PTER: variants seen among roughly 807,000 people sequenced by gnomAD.
The protein encoded by PTER is phosphotriesterase related.
In PTER, 38 loss-of-function variants were observed where a neutral mutation model predicts 29.6. That is an observed-to-expected ratio of 1.28 (90% CI 0.99 to 1.68). The LOEUF is 1.68. Among genes scored for constraint, PTER ranks in the 40% most tolerant of loss-of-function variants. The pLI, the probability that PTER is intolerant of heterozygous loss-of-function variation, is 0.00. For missense variants in PTER, 482 were observed against 427.8 expected (o/e 1.13, Z -1.12); for synonymous variants, 172 against 154.5 (o/e 1.11, Z -0.84).
intron 1 of PTER, among the ~76,000 whole-genome samples, chr10:16,476,332 G>A (rs922618523): frequency 6.6e-6 from 1 of 151,886 alleles, no homozygotes; most frequent in African/African-American, 2.4e-5. Context: ...TGCCCACCTC[G>A]GCCTCCCAAA....
At chr10:16,453,990 C>T (rs1391899162) in intron 1 of PTER, among the ~76,000 whole-genome samples, 1 of 152,182 alleles carries the variant, frequency 6.6e-6, no homozygotes, top group Non-Finnish European at 1.5e-5. Context: ...ATATGTGCTT[C>T]TGGCATATCA....
chr10:16,486,452 A>G lies in PTER; in HGVS notation c.533A>G (p.Glu178Gly). Reference protein sequence around the residue: ...GEIGCSWPLTESERKVLQATA... With the variant: ...GEIGCSWPLTGSERKVLQATA... ...ATTGGTTGCTCCTGGCCTTTGACTGAGAGTGAAAGAAAGGTTCTCCAGGCC... is the reference window on the plus strand; with the variant it reads ...ATTGGTTGCTCCTGGCCTTTGACTGGGAGTGAAAGAAAGGTTCTCCAGGCC... Residue 178 changes from glutamate to glycine, a missense_variant, in exon 3 of 5, where the codon GAG becomes GGG. Transcript: ENST00000535784. 5.0e-6 allele frequency: 8 copies of G among 1,614,054 alleles called. No individual in the cohort carries two copies. The highest frequency in any genetic ancestry group is 6.8e-6 in the Non-Finnish European group (8 of 1,179,976).
chr10:16,491,237 G>A (rs1335997233), intron 3 of PTER, among the ~76,000 whole-genome samples: 1 of 152,176 alleles, frequency 6.6e-6, no homozygotes, highest in Non-Finnish European at 1.5e-5. Flanking sequence ...ATACATGAAA[G>A]TATGAGCATT....
chr10:16,501,496 C>G (rs965715371), intron 3 of PTER, among the ~76,000 whole-genome samples: 1 of 152,080 alleles, frequency 6.6e-6, no homozygotes, highest in Admixed American at 6.6e-5. Flanking sequence ...ATCCTGCTTA[C>G]TATATATAGT....
intron 1 of PTER, among the ~76,000 whole-genome samples, chr10:16,447,788 C>A (rs531638861): frequency 2.2e-4 from 34 of 152,326 alleles, no homozygotes; most frequent in African/African-American, 7.7e-4. Context: ...AGATCCTAGT[C>A]TTCTCTTCCT....
downstream of PTER, chr10:16,514,385 TGA>T: frequency 1.5e-6 from 1 of 653,542 alleles, no homozygotes; most frequent in Non-Finnish European, 2.7e-6. Context: ...GATACAGATG[TGA>T]GTCAGGTAGC....
chr10:16,440,835 C>T (rs913660878), intron 1 of PTER, among the ~76,000 whole-genome samples: 2 of 152,164 alleles, frequency 1.3e-5, no homozygotes, highest in Admixed American at 6.5e-5. Flanking sequence ...CCCTGAGATT[C>T]GGGGATTTGA....
chr10:16,449,566 G>A (rs1224687420), intron 1 of PTER, among the ~76,000 whole-genome samples: 3 of 149,222 alleles, frequency 2.0e-5, no homozygotes, highest in Non-Finnish European at 3.0e-5. Context: ...TGCCCACCTT[G>A]TCTTTGATGG....
rs527609643 is a variant in PTER, at chr10:16,512,097, C to A, written c.*841C>A. 2.0e-5 allele frequency: 3 copies of A among 151,666 alleles called. No homozygotes were observed. Among genetic ancestry groups the A allele is most frequent in the Non-Finnish European group, 1.5e-5 (1 of 67,838 alleles). 9.4% of individuals were successfully genotyped at this position (151,666 alleles called of 1,614,324 possible). On this transcript the variant is annotated 3_prime_UTR_variant, in exon 5 of 5. Transcript: ENST00000535784. ...GAGAAATGTTTGCCTTATGTATATTCCCTTTATTTCCTTTACCTTTTGTTT... is the reference window on the plus strand; with the variant it reads ...GAGAAATGTTTGCCTTATGTATATTACCTTTATTTCCTTTACCTTTTGTTT...
chr10:16,440,420 A>T (rs1172956886), intron 1 of PTER, among the ~76,000 whole-genome samples: 1 of 152,222 alleles, frequency 6.6e-6, no homozygotes, highest in Non-Finnish European at 1.5e-5. Context: ...AGAAAAAGAA[A>T]AAAGAATAAG....
chr10:16,465,937 G>A (rs1214052676), intron 1 of PTER, among the ~76,000 whole-genome samples: 1 of 152,112 alleles, frequency 6.6e-6, no homozygotes, highest in Non-Finnish European at 1.5e-5. Flanking sequence ...TAACTATCAT[G>A]AGAACAGCAT....
intron 1 of PTER, among the ~76,000 whole-genome samples, chr10:16,471,262 CT>C (rs1247978897): frequency 3.9e-4 from 59 of 152,286 alleles, no homozygotes; most frequent in African/African-American, 1.3e-3. Context: ...TGAAATAGCT[CT>C]TGAGTTCATA....
chr10:16,504,921 T>C, intron 3 of PTER, 99 bp from the exon 4 acceptor site: 1 of 1,367,168 alleles, frequency 7.3e-7, no homozygotes, highest in Non-Finnish European at 1.0e-6. Context: ...ACTTCAACTA[T>C]GTTCTTGTTC....
chr10:16,514,475 G>T, downstream of PTER: 1 of 1,495,028 alleles, frequency 6.7e-7, no homozygotes, highest in Non-Finnish European at 9.2e-7. Flanking sequence ...ACTGACGTTA[G>T]CCATACGAAT....
intron 1 of PTER, among the ~76,000 whole-genome samples, chr10:16,476,901 C>CTCTCTCTCTCTTTTTTT (rs1214090481): frequency 1.0e-5 from 1 of 100,368 alleles, no homozygotes; most frequent in Non-Finnish European, 1.9e-5. Flanking sequence ...TCCTAGAATT[C>CTCTCTCTCTCTTTTTTT]TTTTTTTTTT....
chr10:16,438,681 A>C (rs1833743814), intron 1 of PTER, among the ~76,000 whole-genome samples: 1 of 150,048 alleles, frequency 6.7e-6, no homozygotes, highest in East Asian at 2.1e-4. Context: ...TAATCCCGGC[A>C]CTTTGGGAGG....
intron 1 of PTER, among the ~76,000 whole-genome samples, chr10:16,473,844 G>C (rs1287029089): frequency 6.6e-6 from 1 of 152,128 alleles, no homozygotes. Flanking sequence ...CTTGAAAACT[G>C]GAATAATATC....
At chr10:16,504,567 A>C (rs1301796580) in intron 3 of PTER, among the ~76,000 whole-genome samples, 1 of 152,220 alleles carries the variant, frequency 6.6e-6, no homozygotes, top group East Asian at 1.9e-4. Context: ...GCAAAGCCTC[A>C]TGTGTTACCC....
chr10:16,443,314 T>A (rs949802416), intron 1 of PTER, among the ~76,000 whole-genome samples: 1 of 152,192 alleles, frequency 6.6e-6, no homozygotes, highest in Non-Finnish European at 1.5e-5. Context: ...AACAACCCCC[T>A]TTTAACTTAA....
Sources: allele counts gnomAD v4.1 joint callset (sites outside exome capture counted in the v4.1 genomes callset), GRCh38; gene constraint gnomAD v4.1.1; transcripts MANE v1.5; gene names NCBI Gene and HGNC (gene_info 2026-07-23, HGNC 2026-07-21).